Variants in ATP8A2 observed in about 807,000 individuals in gnomAD.
ATP8A2 encodes the protein phospholipid-transporting ATPase IB.
ATP8A2 carries 100 observed loss-of-function variants against 165.6 expected under a neutral mutation model. The observed-to-expected ratio is 0.60, with a 90% CI of 0.51 to 0.71. The LOEUF (loss-of-function observed/expected upper bound fraction) is 0.71. ATP8A2 is among the 30% of genes least tolerant of loss of function. The probability of loss-of-function intolerance (pLI) is 0.00; values close to 1 mark genes in which losing one functional copy is unlikely to be tolerated. For missense variants in ATP8A2, 1,227 were observed against 1,479.5 expected (o/e 0.83, Z 2.80); for synonymous variants, 543 against 548.8 (o/e 0.99, Z 0.15).
At chr13:25,554,444 T>A (rs188942355) in intron 12 of ATP8A2, among the ~76,000 whole-genome samples, 3 of 152,194 alleles carry the variant, frequency 2.0e-5, no homozygotes, top group East Asian at 1.9e-4. Flanking sequence ...AAGGTGAGAA[T>A]CATGAGTTAG....
intron 30 of ATP8A2, among the ~76,000 whole-genome samples, chr13:25,852,052 C>T (rs948190213): frequency 1.3e-5 from 2 of 152,028 alleles, no homozygotes; most frequent in African/African-American, 2.4e-5. Context: ...GGACTGTATC[C>T]GACCCCAATG....
At chr13:25,836,625 G>A (rs571634997) in intron 28 of ATP8A2, among the ~76,000 whole-genome samples, 7 of 152,098 alleles carry the variant, frequency 4.6e-5, no homozygotes, top group Non-Finnish European at 8.8e-5. Flanking sequence ...AGTAGATGGC[G>A]TTCCTGGAGG....
intron 2 of ATP8A2, among the ~76,000 whole-genome samples, 182 bp downstream of exon 2, chr13:25,469,303 A>C (rs1361371895): frequency 6.8e-6 from 1 of 146,868 alleles, no homozygotes; most frequent in Non-Finnish European, 1.5e-5. Context: ...CAGTAGGGTC[A>C]TGCGAATGCA....
Position 25,372,306 on chromosome 13 carries a change from C to T in ATP8A2, c.76+18C>T. 2 of 704,168 alleles carry T rather than the reference C, an allele frequency of 2.8e-6. No individual in the cohort carries two copies. The highest frequency in any genetic ancestry group is 4.4e-6 in the Non-Finnish European group (2 of 457,140). The allele number at this position is 704,168 out of a possible 1,614,324, so 43.6% of individuals were successfully genotyped here. On this transcript the variant is annotated intron_variant, in intron 1 of 36. Transcript: ENST00000381655. The surrounding 1 kb of genome is among the most constrained non-coding windows in gnomAD (Gnocchi z 4.8). Reference sequence around the variant, plus strand: ...GTCCGTGGGTGAGCTGGGAGGGGCGCGGCGAGGGAGGGTGGGCCCGGGGCG... The same window carrying T: ...GTCCGTGGGTGAGCTGGGAGGGGCGTGGCGAGGGAGGGTGGGCCCGGGGCG...
chr13:25,410,104 G>A (rs1208310432), intron 1 of ATP8A2, among the ~76,000 whole-genome samples: 2 of 151,182 alleles, frequency 1.3e-5, no homozygotes, highest in African/African-American at 2.4e-5. Flanking sequence ...CCTTCTGCAC[G>A]GCTCTTGCTG....
chr13:25,621,017 G>A lies in ATP8A2; in HGVS notation c.2211+31318G>A, dbSNP rs77971145. Among the ~76,000 whole-genome samples, 773 of 152,176 alleles carry A rather than the reference G, an allele frequency of 5.1e-3. 14 individuals are homozygous for A. Among genetic ancestry groups the A allele is most frequent in the Admixed American group, 0.032 (490 of 15,280 alleles). ...TAGTGGGTGATTGGGCCTAGGAGTGGGAGTGGAAGGATTATTGATGTTGCC... is the reference window on the plus strand; with the variant it reads ...TAGTGGGTGATTGGGCCTAGGAGTGAGAGTGGAAGGATTATTGATGTTGCC... On this transcript the variant is annotated intron_variant, in intron 24 of 36. Transcript: ENST00000381655.
intron 33 of ATP8A2, among the ~76,000 whole-genome samples, chr13:25,937,297 AG>A (rs1954919220): frequency 6.8e-6 from 1 of 146,346 alleles, no homozygotes. Flanking sequence ...GTGCAGTCAT[AG>A]AAGTCATTCA....
At chr13:25,664,957 G>A (rs1020781280) in intron 24 of ATP8A2, among the ~76,000 whole-genome samples, 1 of 151,850 alleles carries the variant, frequency 6.6e-6, no homozygotes, top group Non-Finnish European at 1.5e-5. Context: ...GGTCCAGAAT[G>A]TTATAGAATT....
At chr13:25,943,875 G>A (rs539961440) in intron 33 of ATP8A2, among the ~76,000 whole-genome samples, 15 of 152,300 alleles carry the variant, frequency 9.8e-5, no homozygotes, top group East Asian at 7.7e-4. Context: ...GCTTTATTGC[G>A]TAATGATGCA....
intron 35 of ATP8A2, among the ~76,000 whole-genome samples, chr13:25,982,578 G>T (rs1956191890): frequency 6.6e-6 from 1 of 152,136 alleles, no homozygotes; most frequent in East Asian, 1.9e-4. Context: ...AAATGCAGTG[G>T]CCACACATTT....
intron 24 of ATP8A2, among the ~76,000 whole-genome samples, chr13:25,622,483 T>G (rs2137463239): frequency 6.6e-6 from 1 of 152,278 alleles, no homozygotes; most frequent in African/African-American, 2.4e-5. Flanking sequence ...CTGTCCTCTC[T>G]CCTCTGCCCT....
At chr13:25,632,362 ACT>A (rs1327760166) in intron 24 of ATP8A2, among the ~76,000 whole-genome samples, 13 of 151,884 alleles carry the variant, frequency 8.6e-5, no homozygotes, top group Admixed American at 7.2e-4. Context: ...GGAAGTCCCA[ACT>A]CTCTAATCCT....
rs1051564257 is a variant in ATP8A2, at chr13:25,511,929, G to A, written c.222-18070G>A. ...TATTGATCATTCTTGGGTGTTTCTC[G>A]CAGAGGGGGATTTGGCAGGGTCATA... On this transcript the variant is annotated intron_variant, in intron 2 of 36. Coordinates refer to ENST00000381655, the MANE Select transcript of ATP8A2 (RefSeq NM_016529.6). 4.1e-4 allele frequency among the ~76,000 whole-genome samples: 62 copies of A among 149,592 alleles called. 1 individual carries two copies. Among genetic ancestry groups the A allele is most frequent in the African/African-American group, 1.7e-4 (7 of 40,458 alleles).
At chr13:25,721,559 A>T (rs1006843442) in intron 25 of ATP8A2, among the ~76,000 whole-genome samples, 6 of 152,198 alleles carry the variant, frequency 3.9e-5, no homozygotes, top group African/African-American at 1.4e-4. Flanking sequence ...TACAGCTGTT[A>T]TGTATCAGGT....
intron 1 of ATP8A2, among the ~76,000 whole-genome samples, chr13:25,434,600 C>T (rs1380330620): frequency 2.0e-5 from 3 of 152,162 alleles, no homozygotes; most frequent in Non-Finnish European, 4.4e-5. Flanking sequence ...CCGCCTGCTT[C>T]GGCCTTCCAA....
At chr13:25,751,998 G>A (rs1418568133) in intron 25 of ATP8A2, among the ~76,000 whole-genome samples, 1 of 151,406 alleles carries the variant, frequency 6.6e-6, no homozygotes, top group Non-Finnish European at 1.5e-5. Context: ...GTGAGGGCCA[G>A]GCACAGTGGC....
chr13:25,981,024 T>G (rs887707638), intron 35 of ATP8A2, among the ~76,000 whole-genome samples: 3 of 152,240 alleles, frequency 2.0e-5, no homozygotes, highest in Non-Finnish European at 4.4e-5. Context: ...ATGAGTTGAT[T>G]TTTCAAAACG....
Position 25,670,804 on chromosome 13 carries a change from C to T in ATP8A2, c.2212-28369C>T, listed in dbSNP as rs936352874. Among the ~76,000 whole-genome samples, 44 of 152,198 alleles carry T rather than the reference C, an allele frequency of 2.9e-4. 2 individuals carry two copies. The highest frequency in any genetic ancestry group is 1.0e-3 in the African/African-American group (43 of 41,454). On this transcript the variant is annotated intron_variant, in intron 24 of 36. Coordinates refer to ENST00000381655, the MANE Select transcript of ATP8A2 (RefSeq NM_016529.6). ...GCACAGTTTAGTCTAAAGGCTTTACCTAGAGTCACAACTTGATTGTTGTCC... is the reference window on the plus strand; with the variant it reads ...GCACAGTTTAGTCTAAAGGCTTTACTTAGAGTCACAACTTGATTGTTGTCC...
chr13:25,813,125 A>G (rs1318885181), intron 27 of ATP8A2, among the ~76,000 whole-genome samples: 1 of 152,112 alleles, frequency 6.6e-6, no homozygotes, highest in Admixed American at 6.6e-5. Context: ...ATGCCTAGGT[A>G]ATGGGTTGAC....
Sources: allele counts gnomAD v4.1 joint callset (sites outside exome capture counted in the v4.1 genomes callset), GRCh38; gene constraint gnomAD v4.1.1; non-coding constraint Gnocchi (gnomAD v3.1); transcripts MANE v1.5; gene names NCBI Gene and HGNC (gene_info 2026-07-23, HGNC 2026-07-21).